HOMER2: variants seen among roughly 807,000 people sequenced by gnomAD.
The protein encoded by HOMER2 is homer scaffold protein 2.
HOMER2 carries 27 observed loss-of-function variants against 47.0 expected under a neutral mutation model. The observed-to-expected ratio is 0.57, with a 90% CI of 0.42 to 0.79. The LOEUF is 0.79. HOMER2 is among the 30% of genes least tolerant of loss of function. The pLI is 0.00. For missense variants in HOMER2, 443 were observed against 435.0 expected, an observed-to-expected ratio of 1.02 and a Z score of -0.16; for synonymous variants, 161 against 163.8, an observed-to-expected ratio of 0.98 and a Z score of 0.13.
At chr15:82,864,731 A>C (rs1166503221) in intron 3 of HOMER2, among the ~76,000 whole-genome samples, 2 of 152,230 alleles carry the variant, frequency 1.3e-5, no homozygotes. Context: ...AAATCTAGGT[A>C]ATGTGTATAT....
intron 1 of HOMER2, among the ~76,000 whole-genome samples, chr15:82,899,762 C>A (rs1216534938): frequency 6.6e-6 from 1 of 152,106 alleles, no homozygotes; most frequent in Non-Finnish European, 1.5e-5. Flanking sequence ...GTGTTTCATG[C>A]CTGTAATCCC....
intron 2 of HOMER2, among the ~76,000 whole-genome samples, chr15:82,882,885 T>TCCAGCCCACAACAGCCTCCTGC: frequency 7.4e-5 from 2 of 27,152 alleles, no homozygotes; most frequent in African/African-American, 3.4e-4. Flanking sequence ...CCACTGCTTT[T>TCCAGCCCACAACAGCCTCCTGC]TTTTTTTTTT....
At chr15:82,866,161 C>A (rs1414186346) in intron 3 of HOMER2, among the ~76,000 whole-genome samples, 1 of 152,202 alleles carries the variant, frequency 6.6e-6, no homozygotes, top group Non-Finnish European at 1.5e-5. Context: ...GCCACAGGAG[C>A]AGAGCTGCCC....
chr15:82,958,071 T>A (rs2151248685), downstream of HOMER2: 2 of 152,300 alleles, frequency 1.3e-5, no homozygotes, highest in Admixed American at 1.3e-4. Context: ...ACTCCTGACC[T>A]CATGATCCGC....
At chr15:82,937,456 G>A (rs1283865549) in intron 1 of HOMER2, among the ~76,000 whole-genome samples, 3 of 152,156 alleles carry the variant, frequency 2.0e-5, no homozygotes, top group African/African-American at 7.2e-5. Context: ...TCAGAGAGTT[G>A]GGAGGGACAC....
chr15:82,875,434 T>C, intron 2 of HOMER2, 30 bp from the exon 3 acceptor site: 3 of 1,611,972 alleles, frequency 1.9e-6, no homozygotes, highest in Non-Finnish European at 2.5e-6. Flanking sequence ...AGAGTGAAAA[T>C]TTAAATGTTG....
At chr15:82,841,329 C>T (rs113765712) in exon 2 of HOMER2, 2 of 152,028 alleles carry the variant, frequency 1.3e-5, no homozygotes, top group Admixed American at 6.6e-5. Flanking sequence ...CATCTAAAGT[C>T]ATAATAGAGA....
chr15:82,879,331 A>T (rs747988982), intron 2 of HOMER2, among the ~76,000 whole-genome samples: 1 of 152,164 alleles, frequency 6.6e-6, no homozygotes, highest in Non-Finnish European at 1.5e-5. Flanking sequence ...CCCCATCTCG[A>T]CTAAAAATAC....
chr15:82,891,797 T>G (rs1261076155), intron 2 of HOMER2, among the ~76,000 whole-genome samples: 1 of 152,106 alleles, frequency 6.6e-6, no homozygotes, highest in African/African-American at 2.4e-5. Context: ...CAGATTCACT[T>G]GACAAACTTA....
At chr15:82,852,287 C>T in intron 6 of HOMER2, 35 bp from the exon 7 acceptor site, 1 of 1,440,204 alleles carries the variant, frequency 6.9e-7, no homozygotes, top group Non-Finnish European at 9.8e-7. Context: ...GCAGGGACGC[C>T]AGCTTAACAT....
upstream of HOMER2, among the ~76,000 whole-genome samples, chr15:82,956,578 A>G (rs1237306290): frequency 6.6e-6 from 1 of 152,230 alleles, no homozygotes; most frequent in Non-Finnish European, 1.5e-5. Flanking sequence ...GGACAAGAGT[A>G]AAACATGGAG....
intron 1 of HOMER2, among the ~76,000 whole-genome samples, chr15:82,909,297 A>G (rs2053384077): frequency 6.6e-6 from 1 of 152,196 alleles, no homozygotes; most frequent in Admixed American, 6.5e-5. Context: ...AGATGGAGCA[A>G]TGGCGAGAGC....
At chr15:82,941,891 C>T (rs893475610) in intron 1 of HOMER2, among the ~76,000 whole-genome samples, 1 of 152,174 alleles carries the variant, frequency 6.6e-6, no homozygotes, top group African/African-American at 2.4e-5. Context: ...TTATTATTCT[C>T]ATTTCACAGA....
At chr15:82,931,449 A>G (rs529481791) in intron 1 of HOMER2, among the ~76,000 whole-genome samples, 95 of 152,064 alleles carry the variant, frequency 6.2e-4, no homozygotes, top group Non-Finnish European at 1.1e-3. Flanking sequence ...CCCTCCCTTG[A>G]AGCCAGTGAT....
upstream of HOMER2, among the ~76,000 whole-genome samples, chr15:82,953,518 G>A (rs1286271111): frequency 1.3e-5 from 2 of 152,104 alleles, no homozygotes; most frequent in East Asian, 3.9e-4. Flanking sequence ...GGACTTCCAC[G>A]GGATCATCTT....
chr15:82,921,480 G>A (rs370595775), intron 1 of HOMER2, among the ~76,000 whole-genome samples: 15 of 152,060 alleles, frequency 9.9e-5, no homozygotes, highest in South Asian at 6.2e-4. Context: ...AATACCATCC[G>A]CCTACCCTGG....
chr15:82,844,195 C>G (rs2051208648), downstream of HOMER2: 1 of 152,146 alleles, frequency 6.6e-6, no homozygotes, highest in African/African-American at 2.4e-5. Context: ...TGAATGAGTA[C>G]AAGGGGGATG....
intron 1 of HOMER2, among the ~76,000 whole-genome samples, chr15:82,893,332 T>TA (rs1393025451): frequency 1.4e-5 from 2 of 147,778 alleles, no homozygotes; most frequent in African/African-American, 5.0e-5. Context: ...ATTTTATCTT[T>TA]TTTTTTTTTT....
chr15:82,896,647 C>T (rs2052928633), intron 1 of HOMER2, among the ~76,000 whole-genome samples: 1 of 152,136 alleles, frequency 6.6e-6, no homozygotes, highest in South Asian at 2.1e-4. Context: ...CTGAGGTAGT[C>T]ACCATGGCAG....
Sources: allele counts gnomAD v4.1 joint callset (sites outside exome capture counted in the v4.1 genomes callset), GRCh38; gene constraint gnomAD v4.1.1; transcripts MANE v1.5; gene names NCBI Gene and HGNC (gene_info 2026-07-23, HGNC 2026-07-21).